The following ATRN variants were observed in gnomAD, a reference collection of about 807,000 sequenced individuals.
ATRN encodes the protein attractin, also known as attractin-2.
In ATRN, 54 loss-of-function variants were observed where a neutral mutation model predicts 178.7. The ratio of observed to expected loss-of-function variants is 0.30; its 90% CI spans 0.24 to 0.38. The LOEUF (loss-of-function observed/expected upper bound fraction) is 0.38, where lower values mean the gene tolerates loss of function less well. Ranked by LOEUF, ATRN falls within the 10% of genes least tolerant of loss-of-function variation. ATRN has a pLI of 1.00. For missense variants in ATRN, 1,443 were observed against 1,815.1 expected (o/e 0.79, Z 3.73); for synonymous variants, 636 against 663.0 (o/e 0.96, Z 0.63).
intron 25 of ATRN, chr20:3,629,136 C>T: frequency 1.0e-6 from 1 of 985,326 alleles, no homozygotes; most frequent in Non-Finnish European, 1.2e-6. Flanking sequence ...CACCTCCACT[C>T]CCCACCCCAC....
At chr20:3,570,627 TC>T (rs1189931578) in intron 11 of ATRN, among the ~76,000 whole-genome samples, 1 of 152,230 alleles carries the variant, frequency 6.6e-6, no homozygotes, top group Non-Finnish European at 1.5e-5. Context: ...TCAAACATTT[TC>T]CATCTTTAGC....
intron 1 of ATRN, among the ~76,000 whole-genome samples, chr20:3,516,269 G>T (rs763129128): frequency 6.6e-6 from 1 of 152,156 alleles, no homozygotes; most frequent in Non-Finnish European, 1.5e-5. Flanking sequence ...AGTGTGAAAA[G>T]AGACCAAATA....
intron 15 of ATRN, among the ~76,000 whole-genome samples, chr20:3,579,951 A>G (rs1179168752): frequency 1.3e-5 from 2 of 152,104 alleles, no homozygotes; most frequent in African/African-American, 2.4e-5. Flanking sequence ...GTTTTCTCCA[A>G]TTAGTCCCTT....
Position 3,619,069 on chromosome 20 carries a change from G to T in ATRN, c.3802-5442G>T, listed in dbSNP as rs571881285. Among the ~76,000 whole-genome samples the T allele has an allele frequency of 3.3e-5, 5 of 152,298 alleles. No homozygotes were observed. In the East Asian group the frequency reaches 5.8e-4, roughly 18 times the overall value. On this transcript the variant is annotated intron_variant, in intron 24 of 28. Coordinates refer to ENST00000262919, the MANE Select transcript of ATRN (RefSeq NM_139321.3). ...TTGGTGGGGCCGCTGGTCCCAGGGGGTCGTTGGGAGCCTGCGGAGATTCTG... is the reference window on the plus strand; with the variant it reads ...TTGGTGGGGCCGCTGGTCCCAGGGGTTCGTTGGGAGCCTGCGGAGATTCTG...
At chr20:3,594,622 G>A in intron 20 of ATRN, 50 bp downstream of exon 20, 2 of 1,508,662 alleles carry the variant, frequency 1.3e-6, no homozygotes, top group Middle Eastern at 1.8e-4. Flanking sequence ...AGGCTGTGCA[G>A]CTGCCTGAAC....
chr20:3,562,908 G>T (rs1387506445), intron 9 of ATRN, among the ~76,000 whole-genome samples: 1 of 152,112 alleles, frequency 6.6e-6, no homozygotes, highest in Non-Finnish European at 1.5e-5. Flanking sequence ...ATGTCATTAA[G>T]AAACCATTAT....
At chr20:3,507,691 AAT>A (rs1397922415) in intron 1 of ATRN, among the ~76,000 whole-genome samples, 8 of 147,720 alleles carry the variant, frequency 5.4e-5, no homozygotes, top group Admixed American at 1.4e-4. Flanking sequence ...CAAAGTTAAA[AAT>A]ATTTTTTTTT....
rs746813384 is a variant in ATRN at position 3,624,558 on chromosome 20, C to T, written c.3849C>T (p.Phe1283=). 8.7e-6 allele frequency: 14 copies of T among 1,613,710 alleles called. No individual in the cohort carries two copies. The highest frequency in any genetic ancestry group is 8.3e-5 in the Admixed American group (5 of 59,970). ...HSNFMDLVQF[F]VTFFSCFLSL... The stretch of plus-strand genomic sequence containing the variant: ...ATTTTATGGACCTGGTACAGTTCTT[C>T]GTGACTTTCTTCAGGTAATTTTGCT... The change falls in exon 25 of 29, where the codon TTC becomes TTT. Residue 1283 remains phenylalanine, a synonymous_variant. Coordinates refer to ENST00000262919, the MANE Select transcript of ATRN (RefSeq NM_139321.3).
intron 1 of ATRN, among the ~76,000 whole-genome samples, chr20:3,493,164 T>G (rs980994708): frequency 1.3e-5 from 2 of 149,042 alleles, no homozygotes; most frequent in African/African-American, 4.9e-5. Context: ...TTAAAAAAAA[T>G]TTTTTTAGAG....
chr20:3,487,124 C>T (rs2084705162), intron 1 of ATRN, among the ~76,000 whole-genome samples: 1 of 152,142 alleles, frequency 6.6e-6, no homozygotes, highest in Admixed American at 6.5e-5. Context: ...TTTTCAGTGA[C>T]TGTATTTTTA....
chr20:3,513,717 A>G (rs1403748936), intron 1 of ATRN, among the ~76,000 whole-genome samples: 1 of 152,178 alleles, frequency 6.6e-6, no homozygotes, highest in African/African-American at 2.4e-5. Context: ...TGATTCTTCT[A>G]TCCATGAGCA....
At chr20:3,541,373 G>T (rs550531871) in intron 3 of ATRN, among the ~76,000 whole-genome samples, 2 of 152,134 alleles carry the variant, frequency 1.3e-5, no homozygotes, top group South Asian at 4.1e-4. Flanking sequence ...CACCGCGCCC[G>T]GCCTAGAGGA....
At chr20:3,553,197 A>G (rs1383797015) in intron 6 of ATRN, among the ~76,000 whole-genome samples, 1 of 152,024 alleles carries the variant, frequency 6.6e-6, no homozygotes, top group Non-Finnish European at 1.5e-5. Flanking sequence ...CATGAAAGTG[A>G]TTGTGCCTTC....
At chr20:3,507,766 C>T (rs541902323) in intron 1 of ATRN, among the ~76,000 whole-genome samples, 2 of 147,678 alleles carry the variant, frequency 1.4e-5, no homozygotes, top group Admixed American at 6.9e-5. Context: ...CTCACTGCAA[C>T]CTCCACCTCC....
In ATRN at chr20:3,638,275, C is replaced by T. The variant is rs1187904854; in HGVS notation, c.3943-553C>T. 6.6e-6 allele frequency among the ~76,000 whole-genome samples: 1 copy of T among 152,080 alleles called. No individual in the cohort carries two copies. Among genetic ancestry groups the T allele is most frequent in the African/African-American group, 2.4e-5 (1 of 41,398 alleles). ...ATTTGGTATTTGTCCTAATGCTCTC[C>T]CTCCCCTTGCTCCCCACCCCTGACA... is the stretch of plus-strand genomic sequence containing the variant. On this transcript the variant is annotated intron_variant, in intron 26 of 28. Transcript: ENST00000262919. This position sits in a 1 kb window ranked among gnomAD's most constrained non-coding sequence, Gnocchi z 4.5.
At chr20:3,574,133 A>G (rs1184820026) in intron 12 of ATRN, among the ~76,000 whole-genome samples, 1 of 152,242 alleles carries the variant, frequency 6.6e-6, no homozygotes, top group African/African-American at 2.4e-5. Context: ...GTTGCAGTTA[A>G]CTTGAGAGTT....
At chr20:3,603,045 A>G (rs2086633152) in intron 23 of ATRN, among the ~76,000 whole-genome samples, 1 of 150,338 alleles carries the variant, frequency 6.7e-6, no homozygotes, top group African/African-American at 2.5e-5. Context: ...GGCTCTAGTC[A>G]CAGGGTCTAA....
intron 1 of ATRN, among the ~76,000 whole-genome samples, chr20:3,495,163 C>A (rs781016445): frequency 7.2e-5 from 11 of 151,826 alleles, no homozygotes; most frequent in African/African-American, 2.4e-4. Context: ...GTATTTCTTT[C>A]GAATTTAAGA....
intron 11 of ATRN, 67 bp downstream of exon 11, chr20:3,565,499 G>T (rs1408885349): frequency 2.2e-6 from 3 of 1,375,520 alleles, no homozygotes; most frequent in African/African-American, 1.4e-5. Flanking sequence ...CGGGCACGGT[G>T]GCTCACGCCT....
Sources: allele counts gnomAD v4.1 joint callset (sites outside exome capture counted in the v4.1 genomes callset), GRCh38; gene constraint gnomAD v4.1.1; non-coding constraint Gnocchi (gnomAD v3.1); transcripts MANE v1.5; gene names NCBI Gene and HGNC (gene_info 2026-07-23, HGNC 2026-07-21).